Variants in ARFGEF1 observed in about 807,000 individuals in gnomAD.
The protein encoded by ARFGEF1 is ARF guanine nucleotide exchange factor 1.
A neutral mutation model predicts 231.0 loss-of-function variants in ARFGEF1; 42 were observed. The ratio of observed to expected loss-of-function variants is 0.18; its 90% CI spans 0.14 to 0.24. The LOEUF (loss-of-function observed/expected upper bound fraction) is 0.24, where lower values mean the gene tolerates loss of function less well. ARFGEF1 is among the 10% of genes least tolerant of loss of function. ARFGEF1 has a pLI of 1.00. For missense variants in ARFGEF1, 1,345 were observed against 2,192.0 expected (o/e 0.61, Z 7.72); for synonymous variants, 710 against 732.3 (o/e 0.97, Z 0.49).
At position 67,197,685 on chromosome 8, in the gene ARFGEF1, A is replaced by T. The variant is rs570836490; in HGVS notation, c.*1249T>A. On this transcript the variant is annotated 3_prime_UTR_variant, in exon 39 of 39. Transcript: ENST00000262215. ...TTGATTGCACTGATGAAATAATTCAAAAACTTTATTGACCTATAACCTGAT... is the reference window on the plus strand; with the variant it reads ...TTGATTGCACTGATGAAATAATTCATAAACTTTATTGACCTATAACCTGAT... The T allele has an allele frequency of 3.0e-6, 3 of 985,872 alleles. No individual in the cohort carries two copies. In the African/African-American group the frequency reaches 5.2e-5, roughly 17 times the overall value. The allele number at this position is 985,872 out of a possible 1,614,324, so 61.1% of individuals were successfully genotyped here. A position where few individuals can be genotyped will look rare whatever the true frequency, so the allele number is the denominator to read the frequency against.
chr8:67,178,832 A>G (rs1832306249), intron 5 of ARFGEF1, among the ~76,000 whole-genome samples: 1 of 152,190 alleles, frequency 6.6e-6, no homozygotes, highest in Admixed American at 6.5e-5. Context: ...CTTGGGGGCC[A>G]TTCTGGGACT....
intron 4 of ARFGEF1, among the ~76,000 whole-genome samples, chr8:67,298,891 G>A (rs1176334780): frequency 6.6e-6 from 1 of 152,096 alleles, no homozygotes; most frequent in Non-Finnish European, 1.5e-5. Context: ...TCAGCCTCCT[G>A]AGTGGCTGGA....
At chr8:67,271,576 A>C in intron 10 of ARFGEF1, 126 bp downstream of exon 10, 1 of 727,964 alleles carries the variant, frequency 1.4e-6, no homozygotes, top group Non-Finnish European at 2.2e-6. Context: ...AATGAAAAAA[A>C]ATAAGTGCAT....
At chr8:67,209,547 T>C (rs1255608675) in intron 34 of ARFGEF1, among the ~76,000 whole-genome samples, 1 of 152,050 alleles carries the variant, frequency 6.6e-6, no homozygotes, top group Non-Finnish European at 1.5e-5. Context: ...TGAATTATTA[T>C]TCACTTGCAT....
chr8:67,216,447 T>G, intron 33 of ARFGEF1, 143 bp downstream of exon 33: 1 of 728,232 alleles, frequency 1.4e-6, no homozygotes, highest in Non-Finnish European at 2.1e-6. Flanking sequence ...AAAAAAAAAA[T>G]GTCTATTTAT....
rs1480987594 is a variant in ARFGEF1 at position 67,254,604 on chromosome 8, T to C, written c.2527-982A>G. Among the ~76,000 whole-genome samples, 3 of 152,262 alleles carry C rather than the reference T, an allele frequency of 2.0e-5. No homozygotes were observed. In the East Asian group the frequency reaches 5.8e-4, roughly 29 times the overall value. The stretch of plus-strand genomic sequence containing the variant: ...TATTCAGGAGGCTGGGGAAGGAGGA[T>C]GGCACAAGACCAGGAATTCAAGTCC... On this transcript the variant is annotated intron_variant, in intron 17 of 38. Transcript: ENST00000262215.
At position 67,211,591 on chromosome 8, in the gene ARFGEF1, C is replaced by A; in HGVS notation, c.4711G>T (p.Asp1571Tyr). 1 of 1,522,484 alleles carries A rather than the reference C, an allele frequency of 6.6e-7. No individual in the cohort carries two copies. The highest frequency in any genetic ancestry group is 1.3e-5 in the South Asian group (1 of 77,716). The allele number at this position is 1,522,484 out of a possible 1,614,324, so 94.3% of individuals were successfully genotyped here. The change falls in exon 34 of 39, where the codon GAT (aspartate) becomes TAT (tyrosine). Residue 1571 changes from aspartate to tyrosine, a missense_variant. By Grantham distance (160) the Asp-to-Tyr change is radical. Around this residue, in one of 14 missense-constraint regions of ARFGEF1, gnomAD observed 89 missense variants for 74.8 expected, o/e 1.19. Transcript: ENST00000262215. ...CTTGGTTGAATAGAATCATGAATAT[C>A]TACAGACTTCTGTGATATTGTATCC... ...PLDTISQKSV[D>Y]IHDSIQPRSV...
At chr8:67,334,248 G>A (rs1587343120) in intron 1 of ARFGEF1, among the ~76,000 whole-genome samples, 4 of 121,942 alleles carry the variant, frequency 3.3e-5, no homozygotes, top group Admixed American at 1.9e-4. Flanking sequence ...TCATCCCCAA[G>A]ATATTTCATT....
chr8:67,254,384 T>A (rs746617078), intron 17 of ARFGEF1, among the ~76,000 whole-genome samples: 1 of 152,192 alleles, frequency 6.6e-6, no homozygotes, highest in Non-Finnish European at 1.5e-5. Flanking sequence ...TATTTCTACG[T>A]CTTATATGAT....
chr8:67,284,491 C>T (rs1805668034), intron 7 of ARFGEF1, among the ~76,000 whole-genome samples: 1 of 152,020 alleles, frequency 6.6e-6, no homozygotes, highest in African/African-American at 2.4e-5. Context: ...TAAAATAATA[C>T]AAGTAACTTT....
At chr8:67,273,356 C>A (rs1805175717) in intron 9 of ARFGEF1, among the ~76,000 whole-genome samples, 1 of 142,152 alleles carries the variant, frequency 7.0e-6, no homozygotes, top group Non-Finnish European at 1.5e-5. Flanking sequence ...ACATTGAACC[C>A]AGGCAACATT....
At chr8:67,268,870 G>A (rs1295196773) in intron 10 of ARFGEF1, among the ~76,000 whole-genome samples, 1 of 152,088 alleles carries the variant, frequency 6.6e-6, no homozygotes, top group Non-Finnish European at 1.5e-5. Context: ...GTATTCCTCT[G>A]GCCAAAGTGC....
intron 33 of ARFGEF1, among the ~76,000 whole-genome samples, chr8:67,212,858 G>A (rs1203161237): frequency 2.6e-5 from 4 of 152,076 alleles, no homozygotes; most frequent in African/African-American, 4.8e-5. Context: ...TTTTGGTCAC[G>A]GGCCCTCTTG....
chr8:67,205,122 T>C (rs2129577408), intron 34 of ARFGEF1, among the ~76,000 whole-genome samples: 1 of 152,342 alleles, frequency 6.6e-6, no homozygotes, highest in South Asian at 2.1e-4. Context: ...ATTCATAAAC[T>C]TTCTTAAAAC....
At chr8:67,278,351 T>C (rs1805396589) in intron 7 of ARFGEF1, among the ~76,000 whole-genome samples, 1 of 152,272 alleles carries the variant, frequency 6.6e-6, no homozygotes, top group Non-Finnish European at 1.5e-5. Context: ...ATGAGGTCTA[T>C]GAGGAACCAC....
rs1239704952 is a variant in ARFGEF1, at chr8:67,190,653, C to T, written c.560+9743G>A. 3 of 1,613,488 alleles carry T rather than the reference C, an allele frequency of 1.9e-6. No individual in the cohort carries two copies. In the Admixed American group the frequency reaches 5.0e-5, roughly 27 times the overall value. On this transcript the variant is annotated intron_variant, in intron 5 of 5. Transcript: ENST00000518789. ...CTGCTTTTCGGGGTCCTCTTAGGGG[C>T]TTACGGTGAGACATATCCTGCCATT...
At chr8:67,192,019 T>G (rs1836393274) in intron 5 of ARFGEF1, among the ~76,000 whole-genome samples, 1 of 152,140 alleles carries the variant, frequency 6.6e-6, no homozygotes, top group African/African-American at 2.4e-5. Flanking sequence ...ATTAGCCAGT[T>G]GTATATTTTC....
chr8:67,331,348 G>A (rs1808088585), intron 1 of ARFGEF1, among the ~76,000 whole-genome samples: 1 of 152,106 alleles, frequency 6.6e-6, no homozygotes, highest in African/African-American at 2.4e-5. Flanking sequence ...GGGGCCTTCA[G>A]GAGGTGACTA....
chr8:67,222,859 T>C (rs1839246575), intron 29 of ARFGEF1, among the ~76,000 whole-genome samples: 1 of 152,188 alleles, frequency 6.6e-6, no homozygotes, highest in Non-Finnish European at 1.5e-5. Context: ...ATGCTGAGAT[T>C]ACAGGCGTGA....
Sources: allele counts gnomAD v4.1 joint callset (sites outside exome capture counted in the v4.1 genomes callset), GRCh38; gene constraint gnomAD v4.1.1; regional missense constraint gnomAD v4.1.1; transcripts MANE v1.5; gene names NCBI Gene and HGNC (gene_info 2026-07-23, HGNC 2026-07-21).